Variants in SPTLC1 observed in about 807,000 individuals in gnomAD.
The protein encoded by SPTLC1 is serine palmitoyltransferase 1.
SPTLC1 carries 55 observed loss-of-function variants against 68.9 expected under a neutral mutation model. That is an observed-to-expected ratio of 0.80 (90% CI 0.64 to 1.00). The LOEUF (loss-of-function observed/expected upper bound fraction) is 1.00. Ranked by LOEUF, SPTLC1 falls within the 50% of genes least tolerant of loss-of-function variation. The pLI is 0.00. For missense variants in SPTLC1, 449 were observed against 573.1 expected (o/e 0.78, Z 2.21); for synonymous variants, 197 against 201.6 (o/e 0.98, Z 0.19).
chr9:92,086,321 C>T (rs1035092470), intron 3 of SPTLC1, among the ~76,000 whole-genome samples: 8 of 152,150 alleles, frequency 5.3e-5, no homozygotes, highest in Non-Finnish European at 7.3e-5. Flanking sequence ...TTAGTTGATG[C>T]AGTTTCTTCC....
chr9:92,044,534 A>T (rs553606846), intron 12 of SPTLC1, among the ~76,000 whole-genome samples: 16 of 152,342 alleles, frequency 1.1e-4, no homozygotes, highest in Admixed American at 5.2e-4. Flanking sequence ...GAAGACGTGG[A>T]GATGATAGCT....
At chr9:92,045,893 TG>T in intron 12 of SPTLC1, 105 bp downstream of exon 12, 1 of 1,011,378 alleles carries the variant, frequency 9.9e-7, no homozygotes, top group Non-Finnish European at 1.5e-6. Context: ...GTTTCTTAGC[TG>T]CAATCTGGTC....
At chr9:92,106,614 G>A (rs148975354) in intron 3 of SPTLC1, among the ~76,000 whole-genome samples, 1,733 of 151,882 alleles carry the variant, frequency 0.011, 40 homozygotes, top group African/African-American at 0.04. Context: ...ACTCTGACTC[G>A]GCCCACGTGC....
In SPTLC1 at chr9:92,032,415, A is replaced by G. The variant is rs763262266; in HGVS notation, c.*50T>C. 6.2e-7 allele frequency: 1 copy of G among 1,613,742 alleles called. No individual in the cohort carries two copies. Among genetic ancestry groups the G allele is most frequent in the Non-Finnish European group, 8.5e-7 (1 of 1,179,942 alleles). Reference sequence around the variant, plus strand: ...CACTCCATGGCCAGCGGGAGTCTTGAGTCCTCTCTGCGTGTTGTGTGGCAG... The same window carrying G: ...CACTCCATGGCCAGCGGGAGTCTTGGGTCCTCTCTGCGTGTTGTGTGGCAG... On this transcript the variant is annotated 3_prime_UTR_variant, in exon 15 of 15. Coordinates refer to ENST00000262554, the MANE Select transcript of SPTLC1 (RefSeq NM_006415.4).
chr9:92,113,226 C>T (rs1446967082), intron 1 of SPTLC1, among the ~76,000 whole-genome samples: 2 of 152,294 alleles, frequency 1.3e-5, no homozygotes, highest in East Asian at 1.9e-4. Flanking sequence ...ACATTCAACA[C>T]GCATAGGATT....
intron 8 of SPTLC1, chr9:92,053,892 A>T: frequency 1.1e-6 from 1 of 878,988 alleles, no homozygotes; most frequent in Non-Finnish European, 1.4e-6. Flanking sequence ...GTACAATTTA[A>T]ATTGGTTAAT....
chr9:92,072,276 C>A (rs934505136), intron 5 of SPTLC1, among the ~76,000 whole-genome samples: 1 of 152,328 alleles, frequency 6.6e-6, no homozygotes, highest in East Asian at 1.9e-4. Context: ...GTCTACGGAT[C>A]GGGTAAGCTG....
chr9:92,105,082 G>A, intron 3 of SPTLC1: 2 of 1,532,862 alleles, frequency 1.3e-6, no homozygotes, highest in Non-Finnish European at 1.7e-6. Flanking sequence ...GCTTGCTGAT[G>A]GTGGGGGAGG....
At chr9:92,092,566 T>C (rs929287087) in intron 3 of SPTLC1, among the ~76,000 whole-genome samples, 6 of 151,904 alleles carry the variant, frequency 3.9e-5, no homozygotes, top group African/African-American at 1.5e-4. Flanking sequence ...CTGTCTCTAT[T>C]AAAAAATAAT....
intron 3 of SPTLC1, among the ~76,000 whole-genome samples, chr9:92,103,720 G>A (rs1026196212): frequency 2.6e-5 from 4 of 152,248 alleles, no homozygotes; most frequent in Non-Finnish European, 4.4e-5. Context: ...TGCTCCAGGC[G>A]GCACAGAGGC....
At chr9:92,112,708 C>T in intron 1 of SPTLC1, 146 bp from the exon 2 acceptor site, 1 of 605,872 alleles carries the variant, frequency 1.7e-6, no homozygotes, top group Non-Finnish European at 2.9e-6. Context: ...AATTTCTATT[C>T]ATTCCTTTCC....
intron 6 of SPTLC1, among the ~76,000 whole-genome samples, chr9:92,066,720 TAAAAAG>T: frequency 6.6e-6 from 1 of 152,276 alleles, no homozygotes; most frequent in African/African-American, 2.4e-5. Context: ...GCTGTGATGT[TAAAAAG>T]GAAAAGAGGA....
rs764981139 is a variant in SPTLC1 at position 92,047,725 on chromosome 9, A to G, written c.889-17T>C. 1 of 1,571,512 alleles carries G rather than the reference A, an allele frequency of 6.4e-7. No individual in the cohort carries two copies. The highest frequency in any genetic ancestry group is 1.1e-5 in the South Asian group (1 of 90,084). On this transcript the variant is annotated splice_polypyrimidine_tract_variant and intron_variant, in intron 9 of 14. Coordinates refer to ENST00000262554, the MANE Select transcript of SPTLC1 (RefSeq NM_006415.4). Reference sequence around the variant, plus strand: ...ATCATCAATCTGCCGGAAAAGGAGGAGTGACAGTTATTCCACAGTTTAAAG... The same window carrying G: ...ATCATCAATCTGCCGGAAAAGGAGGGGTGACAGTTATTCCACAGTTTAAAG...
chr9:92,066,282 T>C (rs1414417113), intron 6 of SPTLC1, among the ~76,000 whole-genome samples: 1 of 152,150 alleles, frequency 6.6e-6, no homozygotes. Context: ...CAGGGTGACC[T>C]TGACAGGCAG....
intron 3 of SPTLC1, 147 bp downstream of exon 3, chr9:92,108,593 A>T (rs890476685): frequency 3.8e-6 from 4 of 1,051,230 alleles, no homozygotes; most frequent in East Asian, 2.6e-5. Flanking sequence ...TAAATTTTTT[A>T]AAATCAGGAG....
intron 5 of SPTLC1, among the ~76,000 whole-genome samples, chr9:92,068,784 C>G (rs1331382900): frequency 4.6e-5 from 7 of 152,156 alleles, no homozygotes; most frequent in Non-Finnish European, 7.3e-5. Flanking sequence ...TCCTTACAGC[C>G]TTTTACCTCT....
chr9:92,058,853 CTAG>C (rs1435203076), intron 7 of SPTLC1, among the ~76,000 whole-genome samples: 1 of 152,150 alleles, frequency 6.6e-6, no homozygotes, highest in Non-Finnish European at 1.5e-5. Context: ...CATTAAAGGC[CTAG>C]TAAGTTTTGG....
intron 5 of SPTLC1, among the ~76,000 whole-genome samples, chr9:92,077,594 C>A (rs1834727824): frequency 6.6e-6 from 1 of 152,182 alleles, no homozygotes; most frequent in Admixed American, 6.5e-5. Flanking sequence ...TGAAAAAGAA[C>A]AATAACCCTG....
chr9:92,111,667 A>C (rs1836250765), intron 2 of SPTLC1: 1 of 152,180 alleles, frequency 6.6e-6, no homozygotes, highest in Admixed American at 6.5e-5. Flanking sequence ...GTCTAAGACA[A>C]ACTGATTTAA....
Sources: allele counts gnomAD v4.1 joint callset (sites outside exome capture counted in the v4.1 genomes callset), GRCh38; gene constraint gnomAD v4.1.1; transcripts MANE v1.5; gene names NCBI Gene and HGNC (gene_info 2026-07-23, HGNC 2026-07-21).